SH3BGRL2: variants seen among roughly 807,000 people sequenced by gnomAD.
SH3BGRL2 encodes the protein SH3 domain binding glutamate rich protein like 2.
SH3BGRL2 carries 21 observed loss-of-function variants against 14.8 expected under a neutral mutation model. The observed-to-expected ratio is 1.42, with a 90% CI of 1.01 to 2.05. The LOEUF (loss-of-function observed/expected upper bound fraction) is 2.05. Ranked by LOEUF, SH3BGRL2 falls within the 30% of genes most tolerant of loss-of-function variation. The pLI is 0.00. For missense variants in SH3BGRL2, 147 were observed against 130.8 expected (o/e 1.12, Z -0.61); for synonymous variants, 50 against 47.8 (o/e 1.05, Z -0.19).
chr6:79,634,788 G>T (rs973095017), intron 1 of SH3BGRL2, among the ~76,000 whole-genome samples: 2 of 152,132 alleles, frequency 1.3e-5, no homozygotes, highest in Non-Finnish European at 2.9e-5. Context: ...ACCAGAGATA[G>T]AAAAATATAG....
intron 1 of SH3BGRL2, among the ~76,000 whole-genome samples, chr6:79,670,660 A>G (rs1432942419): frequency 6.6e-6 from 1 of 152,216 alleles, no homozygotes; most frequent in African/African-American, 2.4e-5. Flanking sequence ...GGCGTAACTT[A>G]TTAAGGGTTT....
the SH3BGRL2 span, among the ~76,000 whole-genome samples, chr6:79,597,145 G>A: frequency 2.0e-5 from 3 of 151,918 alleles, no homozygotes; most frequent in Admixed American, 6.6e-5. Flanking sequence ...CACAAGAATC[G>A]CTTGAACCAG....
intron 3 of SH3BGRL2, among the ~76,000 whole-genome samples, chr6:79,698,482 G>A (rs1770377372): frequency 6.6e-6 from 1 of 152,064 alleles, no homozygotes; most frequent in Non-Finnish European, 1.5e-5. Context: ...TAAAAAACAT[G>A]GCAACAAAGC....
the SH3BGRL2 span, among the ~76,000 whole-genome samples, chr6:79,584,760 A>G: frequency 6.6e-6 from 1 of 152,124 alleles, no homozygotes; most frequent in Admixed American, 6.5e-5. Flanking sequence ...AAGGACTGGT[A>G]ATGTCCAGTG....
At chr6:79,605,320 G>T in the SH3BGRL2 span, among the ~76,000 whole-genome samples, 1 of 152,156 alleles carries the variant, frequency 6.6e-6, no homozygotes, top group Non-Finnish European at 1.5e-5. Context: ...TGTCAGAAGA[G>T]ATCACAGAAG....
chr6:79,638,198 G>T (rs1768964098), intron 1 of SH3BGRL2, among the ~76,000 whole-genome samples: 1 of 152,146 alleles, frequency 6.6e-6, no homozygotes, highest in African/African-American at 2.4e-5. Context: ...CTCCTATCGA[G>T]TTGAGAACAT....
rs574424012 is a variant in SH3BGRL2, at chr6:79,685,492, G to A, written c.232-10993G>A. On this transcript the variant is annotated intron_variant, in intron 2 of 3. Coordinates refer to ENST00000369838, the MANE Select transcript of SH3BGRL2 (RefSeq NM_031469.4). ...ATTTTTCTAAGTTCTTGCCATTCAT[G>A]TATTAATATCTATATTCCTTGATTT... Among the ~76,000 whole-genome samples the A allele has an allele frequency of 5.9e-5, 9 of 152,112 alleles. No individual in the cohort carries two copies. The South Asian group carries it at 1.9e-3, about 32-fold the overall frequency.
At chr6:79,658,836 A>G (rs772766877) in intron 1 of SH3BGRL2, among the ~76,000 whole-genome samples, 3 of 152,278 alleles carry the variant, frequency 2.0e-5, no homozygotes, top group Middle Eastern at 3.4e-3. Flanking sequence ...TTGCCATTCT[A>G]ACTGGCGTGA....
At chr6:79,594,297 G>A in the SH3BGRL2 span, among the ~76,000 whole-genome samples, 12 of 152,274 alleles carry the variant, frequency 7.9e-5, no homozygotes, top group South Asian at 6.2e-4. Context: ...GTTCTTGGTT[G>A]AAGATGCTAT....
chr6:79,643,560 A>G (rs1024561604), intron 1 of SH3BGRL2, among the ~76,000 whole-genome samples: 8 of 152,292 alleles, frequency 5.3e-5, no homozygotes, highest in South Asian at 2.1e-4. Flanking sequence ...TTGAAAACTA[A>G]TATTTCGTGA....
At chr6:79,696,277 T>C (rs1337336404) in intron 2 of SH3BGRL2, among the ~76,000 whole-genome samples, 1 of 152,234 alleles carries the variant, frequency 6.6e-6, no homozygotes, top group Non-Finnish European at 1.5e-5. Context: ...TCATAGGTTT[T>C]GGGTTAAAAA....
the SH3BGRL2 span, among the ~76,000 whole-genome samples, chr6:79,616,790 C>A: frequency 1.3e-5 from 2 of 152,086 alleles, no homozygotes; most frequent in African/African-American, 4.8e-5. Context: ...CACATGCTGC[C>A]CTTGTTGTTT....
At chr6:79,627,410 A>T (rs1768754921), upstream of SH3BGRL2, among the ~76,000 whole-genome samples, 1 of 152,202 alleles carries the variant, frequency 6.6e-6, no homozygotes, top group African/African-American at 2.4e-5. Flanking sequence ...CTGTGGGTTG[A>T]CAGGCACCGT....
chr6:79,686,662 G>A (rs969768111), intron 2 of SH3BGRL2, among the ~76,000 whole-genome samples: 10 of 152,160 alleles, frequency 6.6e-5, no homozygotes, highest in Middle Eastern at 3.4e-3. Flanking sequence ...ATCTCTCCAA[G>A]GATATTAAAA....
At chr6:79,604,493 C>T in the SH3BGRL2 span, among the ~76,000 whole-genome samples, 2 of 152,164 alleles carry the variant, frequency 1.3e-5, no homozygotes, top group Non-Finnish European at 1.5e-5. Context: ...CAGGAGCAAA[C>T]GCTCAGGAAA....
intron 2 of SH3BGRL2, among the ~76,000 whole-genome samples, chr6:79,680,241 G>A (rs370095320): frequency 6.6e-6 from 1 of 152,168 alleles, no homozygotes; most frequent in South Asian, 2.1e-4. Flanking sequence ...TCTTCAATCC[G>A]TTTCAAGTTA....
chr6:79,660,206 T>C (rs902387858), intron 1 of SH3BGRL2, among the ~76,000 whole-genome samples: 4 of 152,184 alleles, frequency 2.6e-5, no homozygotes, highest in African/African-American at 9.7e-5. Context: ...GAGGGCATCC[T>C]TGTTTTGTGC....
At chr6:79,565,085 C>T in the SH3BGRL2 span, among the ~76,000 whole-genome samples, 1 of 152,096 alleles carries the variant, frequency 6.6e-6, no homozygotes, top group Non-Finnish European at 1.5e-5. Context: ...CTCTTTTTTT[C>T]CCCCTCCACA....
At chr6:79,569,552 GTC>G in the SH3BGRL2 span, among the ~76,000 whole-genome samples, 2 of 152,080 alleles carry the variant, frequency 1.3e-5, no homozygotes, top group African/African-American at 4.8e-5. Context: ...TAGTCTTAAG[GTC>G]TCTGTGTTAA....
Sources: allele counts gnomAD v4.1 joint callset (sites outside exome capture counted in the v4.1 genomes callset), GRCh38; gene constraint gnomAD v4.1.1; transcripts MANE v1.5; gene names NCBI Gene and HGNC (gene_info 2026-07-23, HGNC 2026-07-21).